Variants in NT5DC1 observed in about 807,000 individuals in gnomAD.
The protein encoded by NT5DC1 is 5'-nucleotidase domain-containing protein 1.
In NT5DC1, 42 loss-of-function variants were observed where a neutral mutation model predicts 59.4. The observed-to-expected ratio is 0.71, with a 90% CI of 0.55 to 0.92. The LOEUF is 0.92. NT5DC1 is among the 40% of genes least tolerant of loss of function. NT5DC1 has a pLI of 0.00. For synonymous variants in NT5DC1, 172 were observed against 188.1 expected (o/e 0.91, Z 0.70); for missense variants, 501 against 537.1 (o/e 0.93, Z 0.66).
intron 11 of NT5DC1, among the ~76,000 whole-genome samples, chr6:116,241,426 G>A (rs1287235584): frequency 6.6e-6 from 1 of 152,166 alleles, no homozygotes. Flanking sequence ...ATATGCCAGA[G>A]TGGGGCAGCA....
intron 6 of NT5DC1, among the ~76,000 whole-genome samples, chr6:116,213,304 T>C (rs190632634): frequency 2.0e-5 from 3 of 152,064 alleles, no homozygotes; most frequent in African/African-American, 7.2e-5. Flanking sequence ...AGCTCAACAC[T>C]CAGCTGGGGC....
chr6:116,200,000 G>A (rs953231368), intron 6 of NT5DC1, among the ~76,000 whole-genome samples: 1 of 90,948 alleles, frequency 1.1e-5, no homozygotes, highest in Non-Finnish European at 3.1e-5. Flanking sequence ...TATGGAAAGT[G>A]GGGGGGGAAG....
At chr6:116,163,836 ATT>A in intron 6 of NT5DC1, among the ~76,000 whole-genome samples, 1 of 151,880 alleles carries the variant, frequency 6.6e-6, no homozygotes, top group South Asian at 2.1e-4. Flanking sequence ...ATTCTTTTTT[ATT>A]TCGGCCTCAA....
At chr6:116,211,728 A>G (rs1184990951) in intron 6 of NT5DC1, among the ~76,000 whole-genome samples, 6 of 152,046 alleles carry the variant, frequency 3.9e-5, no homozygotes, top group Admixed American at 3.3e-4. Flanking sequence ...TTTTTCTAAG[A>G]CATTTTTATA....
intron 6 of NT5DC1, among the ~76,000 whole-genome samples, chr6:116,188,734 T>A (rs1294461378): frequency 6.6e-6 from 1 of 151,852 alleles, no homozygotes; most frequent in African/African-American, 2.4e-5. Context: ...GATTAGCAAT[T>A]ACATGAATGT....
intron 1 of NT5DC1, among the ~76,000 whole-genome samples, chr6:116,101,949 A>G (rs990713687): frequency 3.3e-4 from 50 of 152,238 alleles, no homozygotes; most frequent in Non-Finnish European, 1.3e-4. Flanking sequence ...CACTGTTACT[A>G]GCTCTGTGAC....
intron 6 of NT5DC1, among the ~76,000 whole-genome samples, chr6:116,206,357 G>A (rs1781449280): frequency 2.0e-5 from 3 of 151,938 alleles, no homozygotes; most frequent in Admixed American, 6.6e-5. Context: ...TTACCTAATG[G>A]GGTGAGTGTT....
intron 8 of NT5DC1, among the ~76,000 whole-genome samples, chr6:116,227,285 T>C (rs1407447201): frequency 1.3e-5 from 2 of 151,562 alleles, no homozygotes; most frequent in African/African-American, 2.4e-5. Flanking sequence ...TCATCCATGT[T>C]GTCACAAATG....
At chr6:116,154,804 C>T (rs1780142756) in intron 6 of NT5DC1, among the ~76,000 whole-genome samples, 2 of 152,176 alleles carry the variant, frequency 1.3e-5, no homozygotes, top group Admixed American at 1.3e-4. Flanking sequence ...GGATTAATAA[C>T]TCTTAGCAGA....
At chr6:116,234,407 C>T (rs1006691841) in intron 8 of NT5DC1, among the ~76,000 whole-genome samples, 1 of 152,054 alleles carries the variant, frequency 6.6e-6, no homozygotes, top group East Asian at 1.9e-4. Context: ...GTGACATGAT[C>T]TCGGCTCACT....
chr6:116,239,191 G>A (rs1159287054), intron 11 of NT5DC1, 68 bp downstream of exon 11: 2 of 1,176,494 alleles, frequency 1.7e-6, no homozygotes, highest in Non-Finnish European at 2.4e-6. Context: ...TAGAATTCTT[G>A]TCTTTAAGAA....
chr6:116,106,260 T>G lies in NT5DC1; in HGVS notation c.110T>G (p.Phe37Cys). The G allele has an allele frequency of 6.4e-7, 1 of 1,558,100 alleles. No homozygotes were observed. Among genetic ancestry groups the G allele is most frequent in the Admixed American group, 1.7e-5 (1 of 59,956 alleles). ...TATTTGCAGCTCATTTATAATAGCT[T>G]TGCCCAGTTCCTAGTTAAGGAGAAA... The part of the protein sequence containing the change: ...PESAPLIYNS[F>C]AQFLVKEKGY... Residue 37 changes from phenylalanine (F) to cysteine (C), a missense_variant, in exon 2 of 12, where the codon TTT becomes TGT. Physicochemically the swap from Phe to Cys is radical, Grantham distance 205. Coordinates refer to ENST00000319550, the MANE Select transcript of NT5DC1 (RefSeq NM_152729.3).
At chr6:116,185,970 GATTT>G (rs1180150058) in intron 6 of NT5DC1, among the ~76,000 whole-genome samples, 2 of 151,972 alleles carry the variant, frequency 1.3e-5, no homozygotes, top group Non-Finnish European at 2.9e-5. Flanking sequence ...GATCCTGTGA[GATTT>G]ATGCTTTAAG....
intron 6 of NT5DC1, among the ~76,000 whole-genome samples, chr6:116,213,212 G>A (rs2114529532): frequency 6.6e-6 from 1 of 152,216 alleles, no homozygotes; most frequent in Middle Eastern, 3.4e-3. Context: ...GCAGTCAGAT[G>A]TCAGTGGGGA....
At chr6:116,109,431 G>C (rs1318673170) in intron 3 of NT5DC1, among the ~76,000 whole-genome samples, 1 of 152,206 alleles carries the variant, frequency 6.6e-6, no homozygotes, top group Non-Finnish European at 1.5e-5. Flanking sequence ...TCTTCTGTCA[G>C]ATTCTCACAG....
intron 6 of NT5DC1, among the ~76,000 whole-genome samples, chr6:116,219,938 G>A (rs1318835897): frequency 7.5e-6 from 1 of 133,136 alleles, no homozygotes; most frequent in Non-Finnish European, 1.5e-5. Flanking sequence ...ACTCCAGCTT[G>A]GTGACAGAGT....
At chr6:116,155,143 G>A (rs1267380110) in intron 6 of NT5DC1, among the ~76,000 whole-genome samples, 3 of 152,090 alleles carry the variant, frequency 2.0e-5, no homozygotes, top group Non-Finnish European at 2.9e-5. Flanking sequence ...AGTATGATAT[G>A]GCCTTGAAGT....
intron 6 of NT5DC1, among the ~76,000 whole-genome samples, chr6:116,172,181 T>G (rs559704686): frequency 9.2e-5 from 14 of 152,326 alleles, no homozygotes; most frequent in African/African-American, 3.4e-4. Flanking sequence ...CATGATTTCC[T>G]CATAGAAAGA....
At chr6:116,211,123 A>G (rs766062758) in intron 6 of NT5DC1, among the ~76,000 whole-genome samples, 2 of 152,076 alleles carry the variant, frequency 1.3e-5, no homozygotes, top group African/African-American at 2.4e-5. Context: ...TAAGAAGTCC[A>G]ACTACTGTGA....
Sources: allele counts gnomAD v4.1 joint callset (sites outside exome capture counted in the v4.1 genomes callset), GRCh38; gene constraint gnomAD v4.1.1; transcripts MANE v1.5; gene names NCBI Gene and HGNC (gene_info 2026-07-23, HGNC 2026-07-21).